NCEH1: variants seen among roughly 807,000 people sequenced by gnomAD.
NCEH1 encodes the protein 2-acetyl MAGE hydrolase.
In NCEH1, 9 loss-of-function variants were observed where a neutral mutation model predicts 25.4. The ratio of observed to expected loss-of-function variants is 0.35; its 90% CI spans 0.21 to 0.62. The LOEUF (loss-of-function observed/expected upper bound fraction) is 0.62. Among genes scored for constraint, NCEH1 ranks in the 20% least tolerant of loss-of-function variants. The pLI is 0.72. For synonymous variants in NCEH1, 200 were observed against 199.8 expected, an observed-to-expected ratio of 1.00 and a Z score of -0.01; for missense variants, 412 against 501.1, an observed-to-expected ratio of 0.82 and a Z score of 1.70.
chr3:172,677,641 G>T (rs1412049984), intron 1 of NCEH1, among the ~76,000 whole-genome samples: 1 of 152,200 alleles, frequency 6.6e-6, no homozygotes, highest in African/African-American at 2.4e-5. Flanking sequence ...AGCTGTTGGT[G>T]GGGGAGGGGC....
At position 172,631,514 on chromosome 3, in the gene NCEH1, A is replaced by G. The variant is rs564073666; in HGVS notation, c.*1961T>C. ...CCAGTCTGACAAGACAGTTGGTATT[A>G]TAAGTGGAAGAGACCTCAAGGATCA... is the stretch of plus-strand genomic sequence containing the variant. On this transcript the variant is annotated 3_prime_UTR_variant, in exon 5 of 5. Coordinates refer to ENST00000475381, the MANE Select transcript of NCEH1 (RefSeq NM_020792.6). The G allele has an allele frequency of 1.2e-4, 19 of 152,768 alleles. No homozygotes were observed. The highest frequency in any genetic ancestry group is 4.1e-4 in the African/African-American group (17 of 41,578). 9.5% of individuals were successfully genotyped at this position (152,768 alleles called of 1,614,324 possible).
chr3:172,630,286 C>A lies in NCEH1; in HGVS notation c.*3189G>T, dbSNP rs944562940. ...TTAGATTTATTTGTAATGACAAGGT[C>A]AGTTTGAGAACCTGCCTTCAGTGAT... On this transcript the variant is annotated 3_prime_UTR_variant, in exon 5 of 5. Transcript: ENST00000475381. 6.6e-6 allele frequency: 1 copy of A among 152,184 alleles called. No homozygotes were observed. The highest frequency in any genetic ancestry group is 1.5e-5 in the Non-Finnish European group (1 of 68,034). The allele number at this position is 152,184 out of a possible 1,614,324, so 9.4% of individuals were successfully genotyped here.
chr3:172,683,462 G>T (rs1305374788), intron 1 of NCEH1, among the ~76,000 whole-genome samples: 3 of 151,342 alleles, frequency 2.0e-5, no homozygotes, highest in Admixed American at 1.3e-4. Context: ...TTGAGCCCAG[G>T]AGTTCAAGAC....
At chr3:172,646,908 A>G (rs140483609) in intron 2 of NCEH1, among the ~76,000 whole-genome samples, 2,711 of 152,292 alleles carry the variant, frequency 0.018, 39 homozygotes, top group Middle Eastern at 0.027. Context: ...AGACTGACCA[A>G]TGGTCCAGAC....
At chr3:172,669,142 A>G (rs1385664408) in intron 1 of NCEH1, among the ~76,000 whole-genome samples, 1 of 152,226 alleles carries the variant, frequency 6.6e-6, no homozygotes, top group Admixed American at 6.5e-5. Flanking sequence ...GAGACACTGA[A>G]TTAACACCAA....
At chr3:172,668,915 T>C (rs1718355319) in intron 1 of NCEH1, among the ~76,000 whole-genome samples, 1 of 152,104 alleles carries the variant, frequency 6.6e-6, no homozygotes. Context: ...TTACAAAAAC[T>C]GAATGGGCTG....
intron 1 of NCEH1, among the ~76,000 whole-genome samples, chr3:172,703,547 G>T (rs1250150887): frequency 1.0e-5 from 1 of 100,418 alleles, no homozygotes. Context: ...AAAAAAAAAA[G>T]TAAATATATG....
intron 1 of NCEH1, among the ~76,000 whole-genome samples, chr3:172,658,413 T>G (rs956508757): frequency 1.3e-5 from 2 of 152,214 alleles, no homozygotes; most frequent in Non-Finnish European, 1.5e-5. Flanking sequence ...AGAATTATTT[T>G]TGTAGAGGAA....
chr3:172,710,970 A>G lies in NCEH1; in HGVS notation c.15T>C (p.Cys5=), dbSNP rs1187098910. 1 of 1,614,112 alleles carries G rather than the reference A, an allele frequency of 6.2e-7. No homozygotes were observed. Among genetic ancestry groups the G allele is most frequent in the East Asian group, 2.2e-5 (1 of 44,890 alleles). The change falls in exon 1 of 5, where the codon TGT becomes TGC. Residue 5 remains cysteine, a synonymous_variant. Transcript: ENST00000475381. ...GCGCCACCAGGGCGGTGAGCAGGAC[A>G]CAGGACGACCTCATCTTGCCCTGGC... MRSS[C]VLLTALVALA...
chr3:172,683,663 G>A (rs929669682), intron 1 of NCEH1, among the ~76,000 whole-genome samples: 21 of 152,182 alleles, frequency 1.4e-4, no homozygotes, highest in Admixed American at 6.5e-5. Flanking sequence ...GAGTGACAGG[G>A]CGAGACCCTG....
Position 172,636,023 on chromosome 3 carries a change from A to C in NCEH1, c.502T>G (p.Tyr168Asp), listed in dbSNP as rs1716582110. ...QIHDVVRATK[Y>D]FLKPEVLQKY... ...TGTAAGACTTCTGGCTTCAGGAAATACTTTGTGGCCCGTACAACATCATGA... is the reference window on the plus strand; with the variant it reads ...TGTAAGACTTCTGGCTTCAGGAAATCCTTTGTGGCCCGTACAACATCATGA... Residue 168 changes from tyrosine to aspartate, a missense_variant, in exon 4 of 5, where the codon TAT becomes GAT. Physicochemically the swap from Tyr to Asp is radical, Grantham distance 160 (BLOSUM62 -3). Around this residue, in one of 3 missense-constraint regions of NCEH1, gnomAD observed 24 missense variants for 53.8 expected, o/e 0.45. Coordinates refer to ENST00000475381, the MANE Select transcript of NCEH1 (RefSeq NM_020792.6). 6.2e-7 allele frequency: 1 copy of C among 1,614,042 alleles called. No individual in the cohort carries two copies. The highest frequency in any genetic ancestry group is 8.5e-7 in the Non-Finnish European group (1 of 1,180,004).
At chr3:172,660,957 G>A (rs1191374343) in intron 1 of NCEH1, among the ~76,000 whole-genome samples, 3 of 152,122 alleles carry the variant, frequency 2.0e-5, no homozygotes, top group Non-Finnish European at 2.9e-5. Context: ...CTTTTGCTGT[G>A]CAGAAGCTCT....
intron 1 of NCEH1, among the ~76,000 whole-genome samples, chr3:172,674,544 A>C (rs1282548768): frequency 6.6e-6 from 1 of 151,242 alleles, no homozygotes; most frequent in Non-Finnish European, 1.5e-5. Flanking sequence ...TTCCTGTCAA[A>C]ATTTGCTACC....
chr3:172,686,159 G>A (rs199682867), intron 1 of NCEH1, among the ~76,000 whole-genome samples: 1 of 152,194 alleles, frequency 6.6e-6, no homozygotes, highest in East Asian at 1.9e-4. Context: ...CATCCCTTGA[G>A]ACTGCTTTGG....
chr3:172,687,097 A>C (rs1712741904), intron 1 of NCEH1, among the ~76,000 whole-genome samples: 1 of 152,138 alleles, frequency 6.6e-6, no homozygotes, highest in African/African-American at 2.4e-5. Context: ...CACTGATGAG[A>C]GATAGCCTGT....
At chr3:172,656,407 G>A (rs1366592103) in intron 1 of NCEH1, among the ~76,000 whole-genome samples, 2 of 152,200 alleles carry the variant, frequency 1.3e-5, no homozygotes, top group Non-Finnish European at 2.9e-5. Flanking sequence ...GGCAAAGTGA[G>A]AAGATATATC....
Position 172,690,333 on chromosome 3 carries a change from G to T in NCEH1, c.138+20514C>A, listed in dbSNP as rs570703701. 4.6e-5 allele frequency among the ~76,000 whole-genome samples: 7 copies of T among 152,282 alleles called. No homozygotes were observed. In the East Asian group the frequency reaches 1.3e-3, roughly 29 times the overall value. On this transcript the variant is annotated intron_variant, in intron 1 of 4. Transcript: ENST00000475381. The stretch of plus-strand genomic sequence containing the variant: ...TGCAATAAATATTCATTGAAGGAAT[G>T]AACAAGAATTTTAATGTCAACTCTT...
At chr3:172,664,122 C>T (rs1431607120) in intron 1 of NCEH1, among the ~76,000 whole-genome samples, 2 of 152,146 alleles carry the variant, frequency 1.3e-5, no homozygotes, top group Non-Finnish European at 2.9e-5. Context: ...ATGTTTAGTG[C>T]TTCCTTCAGG....
intron 1 of NCEH1, among the ~76,000 whole-genome samples, chr3:172,674,684 T>G (rs1251334710): frequency 1.3e-5 from 2 of 152,120 alleles, no homozygotes; most frequent in Non-Finnish European, 2.9e-5. Flanking sequence ...TCAATGAAAA[T>G]TATTTACTAT....
Sources: allele counts gnomAD v4.1 joint callset (sites outside exome capture counted in the v4.1 genomes callset), GRCh38; gene constraint gnomAD v4.1.1; regional missense constraint gnomAD v4.1.1; transcripts MANE v1.5; gene names NCBI Gene and HGNC (gene_info 2026-07-23, HGNC 2026-07-21).